Variants in PRKCE observed in about 807,000 individuals in gnomAD.
PRKCE encodes the protein protein kinase C epsilon type.
A neutral mutation model predicts 85.4 loss-of-function variants in PRKCE; 16 were observed. The ratio of observed to expected loss-of-function variants is 0.19; its 90% CI spans 0.13 to 0.28. The LOEUF is 0.28. PRKCE is among the 10% of genes least tolerant of loss of function. The pLI, the probability that PRKCE is intolerant of heterozygous loss-of-function variation, is 1.00. For missense variants in PRKCE, 573 were observed against 975.2 expected, an observed-to-expected ratio of 0.59 and a Z score of 5.49; for synonymous variants, 388 against 371.5, an observed-to-expected ratio of 1.04 and a Z score of -0.51.
At chr2:46,149,883 G>T (rs60627380) in intron 12 of PRKCE, among the ~76,000 whole-genome samples, 2 of 150,044 alleles carry the variant, frequency 1.3e-5, no homozygotes, top group Non-Finnish European at 3.0e-5. Context: ...TTGAGATAGG[G>T]TCTCACTCTG....
rs571556816 is a variant in PRKCE, at chr2:45,711,030, C to A, written c.348+58582C>A. Among the ~76,000 whole-genome samples, 120 of 152,308 alleles carry A rather than the reference C, an allele frequency of 7.9e-4. 2 individuals are homozygous for A. The highest frequency in any genetic ancestry group is 2.8e-3 in the African/African-American group (117 of 41,574). On this transcript the variant is annotated intron_variant, in intron 1 of 14. Transcript: ENST00000306156. ...TCAGTCTTTTTTCAGGTTGCTGCCC[C>A]CTCCCTGTCCCCTGTCCCCCTCCCT...
intron 1 of PRKCE, among the ~76,000 whole-genome samples, chr2:45,801,434 C>T (rs1372775929): frequency 6.6e-6 from 1 of 151,966 alleles, no homozygotes; most frequent in African/African-American, 2.4e-5. Flanking sequence ...TGGGGCTGTG[C>T]TCATTGGAAC....
At chr2:45,916,308 C>T (rs983575361) in intron 2 of PRKCE, among the ~76,000 whole-genome samples, 11 of 149,460 alleles carry the variant, frequency 7.4e-5, no homozygotes, top group Admixed American at 4.0e-4. Flanking sequence ...GGTGTGAACA[C>T]GGCTCACTGC....
At chr2:45,842,556 T>C (rs184761480) in intron 1 of PRKCE, among the ~76,000 whole-genome samples, 158 of 152,330 alleles carry the variant, frequency 1.0e-3, no homozygotes, top group South Asian at 2.7e-3. Flanking sequence ...GGGCACAATT[T>C]CCATATCTGT....
intron 10 of PRKCE, among the ~76,000 whole-genome samples, chr2:46,073,062 T>C (rs1668213363): frequency 6.6e-6 from 1 of 152,208 alleles, no homozygotes; most frequent in Non-Finnish European, 1.5e-5. Context: ...CCTGGAAATC[T>C]GGATGCTTTA....
At chr2:45,948,797 A>T (rs1319551866) in intron 2 of PRKCE, among the ~76,000 whole-genome samples, 3 of 152,234 alleles carry the variant, frequency 2.0e-5, no homozygotes, top group Middle Eastern at 3.2e-3. Context: ...CACTTAAAAA[A>T]ATATATACAA....
intron 11 of PRKCE, among the ~76,000 whole-genome samples, chr2:46,119,099 T>C (rs907302990): frequency 6.6e-6 from 1 of 152,184 alleles, no homozygotes; most frequent in Non-Finnish European, 1.5e-5. Flanking sequence ...CAGAGCTAAG[T>C]AGGCAGATTT....
rs193129911 is a variant in PRKCE at position 45,922,426 on chromosome 2, G to T, written c.413-54003G>T. Among the ~76,000 whole-genome samples, 787 of 152,262 alleles carry T rather than the reference G, an allele frequency of 5.2e-3. 5 individuals are homozygous for T. Among genetic ancestry groups the T allele is most frequent in the African/African-American group, 0.018 (767 of 41,532 alleles). ...CTCAGGGGGCAAAACATCTAGAGTT[G>T]GGGGACACAGGAGTCAGAAGCAACT... On this transcript the variant is annotated intron_variant, in intron 2 of 14. Transcript: ENST00000306156.
rs1680559536 is a variant in PRKCE, at chr2:46,187,920, T to G, written c.*3039T>G. On this transcript the variant is annotated 3_prime_UTR_variant, in exon 15 of 15. Coordinates refer to ENST00000306156, the MANE Select transcript of PRKCE (RefSeq NM_005400.3). ...TCATTGTAAACGTTATTGTGCCAAATGTACTGTATTCAAAAGGATGTGAAT... is the reference window on the plus strand; with the variant it reads ...TCATTGTAAACGTTATTGTGCCAAAGGTACTGTATTCAAAAGGATGTGAAT... The G allele has an allele frequency of 6.6e-6, 1 of 152,616 alleles. No homozygotes were observed. Among genetic ancestry groups the G allele is most frequent in the Non-Finnish European group, 1.5e-5 (1 of 68,028 alleles). 9.5% of individuals were successfully genotyped at this position (152,616 alleles called of 1,614,324 possible). A position where few individuals can be genotyped will look rare whatever the true frequency, so the allele number is the denominator to read the frequency against.
At chr2:45,851,630 C>T (rs570654567) in intron 2 of PRKCE, 7 of 152,062 alleles carry the variant, frequency 4.6e-5, no homozygotes, top group Non-Finnish European at 1.0e-4. Flanking sequence ...TTTTTTATTA[C>T]TTAGAAATTG....
intron 10 of PRKCE, among the ~76,000 whole-genome samples, chr2:46,062,167 C>T (rs867379330): frequency 1.3e-5 from 2 of 152,246 alleles, no homozygotes; most frequent in South Asian, 4.1e-4. Flanking sequence ...CAGCCTCATG[C>T]ATACATTAAG....
chr2:46,052,299 G>T (rs11898341), intron 10 of PRKCE, among the ~76,000 whole-genome samples: 18,458 of 152,138 alleles, frequency 0.12, 1,179 homozygotes, highest in Middle Eastern at 0.14. Flanking sequence ...GTAGAGCAAG[G>T]CCACAGGAGA....
In PRKCE at chr2:45,842,204, T is replaced by G. The variant is rs575854681; in HGVS notation, c.349-796T>G. 2.6e-5 allele frequency among the ~76,000 whole-genome samples: 4 copies of G among 152,334 alleles called. No individual in the cohort carries two copies. In the Middle Eastern group the frequency reaches 0.01, roughly 389 times the overall value. Reference sequence around the variant, plus strand: ...CCACCTTGTCTCTGTATATTATAAGTAGTTAGCTGGATTTGAGGTGGGGAG... The same window carrying G: ...CCACCTTGTCTCTGTATATTATAAGGAGTTAGCTGGATTTGAGGTGGGGAG... On this transcript the variant is annotated intron_variant, in intron 1 of 14. Coordinates refer to ENST00000306156, the MANE Select transcript of PRKCE (RefSeq NM_005400.3).
chr2:45,786,707 G>T lies in PRKCE; in HGVS notation c.349-56293G>T, dbSNP rs769175091. 6.6e-6 allele frequency among the ~76,000 whole-genome samples: 1 copy of T among 152,152 alleles called. No individual in the cohort carries two copies. Among genetic ancestry groups the T allele is most frequent in the Non-Finnish European group, 1.5e-5 (1 of 68,038 alleles). ...AAGGAACAGCAGCAAACCTTACTGGGGGTTCACCCTGTGCCAAGCAGGCTC... is the reference window on the plus strand; with the variant it reads ...AAGGAACAGCAGCAAACCTTACTGGTGGTTCACCCTGTGCCAAGCAGGCTC... On this transcript the variant is annotated intron_variant, in intron 1 of 14. Coordinates refer to ENST00000306156, the MANE Select transcript of PRKCE (RefSeq NM_005400.3). The surrounding 1 kb of genome is among the most constrained non-coding windows in gnomAD (Gnocchi z 5.3).
chr2:45,841,732 G>A (rs1245984441), intron 1 of PRKCE, among the ~76,000 whole-genome samples: 1 of 152,226 alleles, frequency 6.6e-6, no homozygotes, highest in Non-Finnish European at 1.5e-5. Flanking sequence ...GGTGTATTGT[G>A]GGAACACAGA....
At chr2:45,802,180 G>C (rs376221836) in intron 1 of PRKCE, among the ~76,000 whole-genome samples, 2 of 151,960 alleles carry the variant, frequency 1.3e-5, no homozygotes, top group South Asian at 2.1e-4. Flanking sequence ...TGAGGCAGGA[G>C]TTGAAGCTCA....
At chr2:45,784,581 G>A (rs1477825683) in intron 1 of PRKCE, among the ~76,000 whole-genome samples, 3 of 151,550 alleles carry the variant, frequency 2.0e-5, no homozygotes, top group African/African-American at 7.3e-5. Flanking sequence ...GAGGGTTAGA[G>A]GGTCTAGAGA....
rs1005200991 is a variant in PRKCE at position 45,725,846 on chromosome 2, A to G, written c.348+73398A>G. ...CTCCATCTCAAAAAAAAAACAAAAA[A>G]CCGCCACCAACAACAAAAAAACCCA... On this transcript the variant is annotated intron_variant, in intron 1 of 14. Transcript: ENST00000306156. Among the ~76,000 whole-genome samples the G allele has an allele frequency of 9.9e-5, 15 of 152,014 alleles. No homozygotes were observed. In the East Asian group the frequency reaches 2.1e-3, roughly 21 times the overall value.
intron 11 of PRKCE, among the ~76,000 whole-genome samples, chr2:46,142,746 G>A (rs937833749): frequency 1.3e-5 from 2 of 152,362 alleles, no homozygotes; most frequent in Admixed American, 1.3e-4. Context: ...GGGGAGCAGT[G>A]AGGACTTCCT....
Sources: allele counts gnomAD v4.1 joint callset (sites outside exome capture counted in the v4.1 genomes callset), GRCh38; gene constraint gnomAD v4.1.1; non-coding constraint Gnocchi (gnomAD v3.1); transcripts MANE v1.5; gene names NCBI Gene and HGNC (gene_info 2026-07-23, HGNC 2026-07-21).